Variants in MYH16 observed in about 807,000 individuals in gnomAD.
MYH16 encodes myosin heavy chain 16.
intron 17 of MYH16, among the ~76,000 whole-genome samples, chr7:99,266,362 AC>A (rs1204759991): frequency 6.6e-6 from 1 of 151,908 alleles, no homozygotes; most frequent in Non-Finnish European, 1.5e-5. Flanking sequence ...GGTAACTAAT[AC>A]CCCCACCTTA....
chr7:99,271,554 G>T (rs1357266001), intron 19 of MYH16, among the ~76,000 whole-genome samples: 1 of 150,010 alleles, frequency 6.7e-6, no homozygotes, highest in African/African-American at 2.5e-5. Context: ...CCGCAACCAA[G>T]TTCACACACT....
chr7:99,296,148 TAAAAAAAA>T (rs60180969), intron 33 of MYH16, among the ~76,000 whole-genome samples: 1 of 91,418 alleles, frequency 1.1e-5, no homozygotes, highest in African/African-American at 4.0e-5. Context: ...CATCTCAATT[TAAAAAAAA>T]AAAAAAAAAA....
intron 2 of MYH16, among the ~76,000 whole-genome samples, chr7:99,244,103 G>A (rs183276071): frequency 7.6e-5 from 11 of 144,086 alleles, no homozygotes; most frequent in Admixed American, 4.8e-4. Context: ...CCAAACATTC[G>A]TCCACCTATC....
intron 10 of MYH16, among the ~76,000 whole-genome samples, chr7:99,257,795 C>T (rs533251138): frequency 5.3e-5 from 8 of 152,062 alleles, no homozygotes; most frequent in Non-Finnish European, 1.0e-4. Flanking sequence ...CTACAGTGCA[C>T]GCCACCACGC....
At chr7:99,302,712 C>G (rs958377859) in intron 38 of MYH16, among the ~76,000 whole-genome samples, 4 of 151,786 alleles carry the variant, frequency 2.6e-5, no homozygotes, top group Admixed American at 2.0e-4. Flanking sequence ...CAGACTCTGT[C>G]TCTAAAAACA....
chr7:99,274,504 G>A (rs1792084557), intron 20 of MYH16, among the ~76,000 whole-genome samples: 1 of 152,192 alleles, frequency 6.6e-6, no homozygotes, highest in African/African-American at 2.4e-5. Flanking sequence ...GGAAAGGGAG[G>A]AATAGTAAGT....
chr7:99,250,112 C>G (rs1406956484), intron 5 of MYH16: 1 of 152,720 alleles, frequency 6.5e-6, no homozygotes, highest in African/African-American at 2.4e-5. Context: ...TTCCCGTCTT[C>G]AGGCTTCTGT....
intron 33 of MYH16, among the ~76,000 whole-genome samples, chr7:99,295,160 C>A (rs1010011308): frequency 6.6e-5 from 10 of 152,106 alleles, no homozygotes; most frequent in Non-Finnish European, 1.5e-5. Context: ...AGGCGGATTG[C>A]CTGAGCTCAG....
intron 2 of MYH16, among the ~76,000 whole-genome samples, chr7:99,245,545 TGA>T (rs1207393740): frequency 6.6e-6 from 1 of 152,166 alleles, no homozygotes; most frequent in African/African-American, 2.4e-5. Context: ...TTTGTTTGTT[TGA>T]GATGGAGTCT....
exon 6 of MYH16, chr7:99,251,129 T>C (rs6465745): frequency 0.93 from 206,851 of 221,424 alleles, 96,761 homozygotes; most frequent in Middle Eastern, 0.99. Context: ...AGGCAAACCC[T>C]GTGCTGGAGG....
chr7:99,307,033 G>C (rs367978646), downstream of MYH16, among the ~76,000 whole-genome samples: 2 of 152,158 alleles, frequency 1.3e-5, no homozygotes, highest in African/African-American at 4.8e-5. Context: ...CTCCTCTAGA[G>C]TGTCACAGCC....
intron 20 of MYH16, among the ~76,000 whole-genome samples, chr7:99,277,186 G>C (rs1435703574): frequency 6.6e-6 from 1 of 152,118 alleles, no homozygotes; most frequent in Non-Finnish European, 1.5e-5. Context: ...CCCCAAGGCT[G>C]TGCATTTCAC....
chr7:99,246,005 A>G, intron 2 of MYH16, among the ~76,000 whole-genome samples: 1 of 151,466 alleles, frequency 6.6e-6, no homozygotes, highest in East Asian at 2.0e-4. Context: ...AGTTCATGAC[A>G]AGCCTGAGCA....
chr7:99,241,381 G>C (rs1791665342), intron 1 of MYH16, among the ~76,000 whole-genome samples: 1 of 152,168 alleles, frequency 6.6e-6, no homozygotes, highest in Non-Finnish European at 1.5e-5. Flanking sequence ...TCAGGAGTTT[G>C]AGACCAGCCT....
chr7:99,299,888 G>A (rs1434963733), intron 37 of MYH16, among the ~76,000 whole-genome samples: 3 of 151,854 alleles, frequency 2.0e-5, no homozygotes, highest in Non-Finnish European at 4.4e-5. Flanking sequence ...GACCAAAGGA[G>A]GGAAACAGGA....
At chr7:99,283,420 A>AGGTGTAGATCTC in intron 23 of MYH16, 145 bp from the exon 6 acceptor site, 2 of 369,266 alleles carry the variant, frequency 5.4e-6, no homozygotes, top group Admixed American at 3.3e-5. Flanking sequence ...GCCCAGGAGC[A>AGGTGTAGATCTC]GGTGGTCAGT....
intron 8 of MYH16, among the ~76,000 whole-genome samples, chr7:99,255,146 G>A (rs1791856025): frequency 1.3e-5 from 2 of 152,128 alleles, no homozygotes; most frequent in Non-Finnish European, 2.9e-5. Context: ...GTGGGCACCT[G>A]TAATCCCAGC....
chr7:99,283,606 C>A (rs545865440), exon 24 of MYH16: 1 of 456,390 alleles, frequency 2.2e-6, no homozygotes, highest in African/African-American at 2.0e-5. Flanking sequence ...ACAAGGTGAA[C>A]CACCTGACCA....
intron 6 of MYH16, among the ~76,000 whole-genome samples, chr7:99,252,295 C>T (rs75934417): frequency 3.9e-5 from 6 of 152,138 alleles, no homozygotes; most frequent in East Asian, 3.9e-4. Flanking sequence ...CCCTCACTCC[C>T]GGGTCTCGGG....
Sources: gnomAD v4.1 joint callset for allele counts (sites outside exome capture counted in the v4.1 genomes callset) on GRCh38, gnomAD v4.1.1 for gene constraint, MANE v1.5 for transcripts, NCBI Gene and HGNC (gene_info 2026-07-23, HGNC 2026-07-21) for gene names.